GLP2R: variants seen among roughly 807,000 people sequenced by gnomAD.
GLP2R encodes the protein glucagon-like peptide 2 receptor.
A neutral mutation model predicts 68.2 loss-of-function variants in GLP2R; 59 were observed. The observed-to-expected ratio is 0.87, with a 90% confidence interval of 0.70 to 1.07. The LOEUF is 1.07. GLP2R is among the 50% of genes least tolerant of loss of function. The pLI, the probability that GLP2R is intolerant of heterozygous loss-of-function variation, is 0.00. For synonymous variants in GLP2R, 270 were observed against 265.4 expected (o/e 1.02, Z -0.17); for missense variants, 548 against 677.4 (o/e 0.81, Z 2.12).
intron 6 of GLP2R, among the ~76,000 whole-genome samples, chr17:9,859,515 G>A (rs1045194850): frequency 5.3e-5 from 8 of 151,842 alleles, no homozygotes; most frequent in East Asian, 3.9e-4. Flanking sequence ...GGAGGGGGCC[G>A]GGCACGGTGG....
chr17:9,836,282 A>G (rs1597377092), intron 2 of GLP2R, 89 bp from the exon 3 acceptor site: 2 of 837,472 alleles, frequency 2.4e-6, no homozygotes, highest in East Asian at 2.5e-5. Flanking sequence ...CAGTGCCAGG[A>G]AGGTGGGCTC....
chr17:9,870,303 C>G (rs915372312), intron 9 of GLP2R, among the ~76,000 whole-genome samples: 1 of 152,070 alleles, frequency 6.6e-6, no homozygotes, highest in African/African-American at 2.4e-5. Flanking sequence ...TACAAGAATG[C>G]CTGGACCATT....
chr17:9,840,589 A>G (rs2152033137), intron 3 of GLP2R, among the ~76,000 whole-genome samples: 1 of 152,362 alleles, frequency 6.6e-6, no homozygotes, highest in Non-Finnish European at 1.5e-5. Flanking sequence ...GAGACAGACA[A>G]TTATCAATAA....
chr17:9,837,487 C>T (rs970259584), intron 3 of GLP2R, among the ~76,000 whole-genome samples: 2 of 152,148 alleles, frequency 1.3e-5, no homozygotes, highest in Non-Finnish European at 2.9e-5. Flanking sequence ...TGCTAACCTC[C>T]ACACAATTTT....
chr17:9,828,252 A>G (rs1319282757), intron 1 of GLP2R, among the ~76,000 whole-genome samples: 3 of 152,206 alleles, frequency 2.0e-5, no homozygotes, highest in Non-Finnish European at 4.4e-5. Context: ...AATTCTTGCC[A>G]TCTTGGCAGC....
In GLP2R at chr17:9,889,648, G is replaced by T. The variant is rs1363363644; in HGVS notation, c.1605G>T (p.Glu535Asp). ...GCAGCAGCCTGTCCGAGTGCAGTGAGGGGGATGTCACCATGGCCAACACCA... is the reference window on the plus strand; with the variant it reads ...GCAGCAGCCTGTCCGAGTGCAGTGATGGGGATGTCACCATGGCCAACACCA... ...PRGSSLSECS[E>D]GDVTMANTME... The change falls in exon 13 of 13, where the codon GAG becomes GAT. Residue 535 changes from glutamate (E) to aspartate (D), a missense_variant. By Grantham distance (45) the Glu-to-Asp change is conservative. Transcript: ENST00000262441. The T allele has an allele frequency of 1.2e-6, 2 of 1,609,754 alleles. No individual in the cohort carries two copies. The highest frequency in any genetic ancestry group is 2.2e-5 in the East Asian group (1 of 44,764).
chr17:9,880,249 G>C (rs4791903), intron 10 of GLP2R, 129 bp from the exon 11 acceptor site: 284,465 of 648,650 alleles, frequency 0.44, 64,914 homozygotes, highest in African/African-American at 0.67. Context: ...ATGTTGTAGT[G>C]AAGGAGACCA....
intron 1 of GLP2R, among the ~76,000 whole-genome samples, chr17:9,826,912 C>T (rs993876284): frequency 6.6e-6 from 1 of 152,104 alleles, no homozygotes; most frequent in African/African-American, 2.4e-5. Flanking sequence ...CGCTCTGTCG[C>T]CCAGGCTGAA....
intron 11 of GLP2R, among the ~76,000 whole-genome samples, chr17:9,883,317 A>G (rs999516395): frequency 3.0e-4 from 46 of 152,218 alleles, no homozygotes; most frequent in African/African-American, 1.1e-3. Flanking sequence ...TGTGGAAAAG[A>G]AAGAAAAAAG....
At chr17:9,875,565 T>C (rs2067135688) in intron 10 of GLP2R, among the ~76,000 whole-genome samples, 1 of 152,240 alleles carries the variant, frequency 6.6e-6, no homozygotes, top group Non-Finnish European at 1.5e-5. Context: ...CTAGAGAACC[T>C]TCTGTAGTCT....
intron 4 of GLP2R, among the ~76,000 whole-genome samples, chr17:9,851,270 T>C (rs2066889323): frequency 6.6e-6 from 1 of 152,006 alleles, no homozygotes; most frequent in African/African-American, 2.4e-5. Flanking sequence ...AAATAGTCAA[T>C]TTAAAGAAAC....
chr17:9,877,511 A>G (rs188796429), intron 10 of GLP2R, among the ~76,000 whole-genome samples: 1 of 152,336 alleles, frequency 6.6e-6, no homozygotes, highest in Non-Finnish European at 1.5e-5. Flanking sequence ...AAATCCACAT[A>G]AACCCCGAAC....
At chr17:9,868,072 A>G (rs1366966280) in intron 9 of GLP2R, among the ~76,000 whole-genome samples, 2 of 152,166 alleles carry the variant, frequency 1.3e-5, no homozygotes, top group East Asian at 3.9e-4. Flanking sequence ...TTAAATGGTG[A>G]TAATAAGCCA....
chr17:9,885,562 C>T (rs923044357), intron 11 of GLP2R, among the ~76,000 whole-genome samples: 1 of 151,956 alleles, frequency 6.6e-6, no homozygotes, highest in African/African-American at 2.4e-5. Flanking sequence ...CTCAGGGGGC[C>T]TCAGTTCTCC....
intron 4 of GLP2R, among the ~76,000 whole-genome samples, chr17:9,847,896 T>G (rs1387538881): frequency 6.6e-6 from 1 of 152,122 alleles, no homozygotes; most frequent in Non-Finnish European, 1.5e-5. Flanking sequence ...ATAAGTATGA[T>G]CCCAGTGCTT....
rs1037794075 is a variant in GLP2R at position 9,887,966 on chromosome 17, A to G, written c.1319A>G (p.Asn440Ser). 19 of 1,609,718 alleles carry G rather than the reference A, an allele frequency of 1.2e-5. No homozygotes were observed. Among genetic ancestry groups the G allele is most frequent in the East Asian group, 4.5e-5 (2 of 44,868 alleles). ...FLVALQYGFANGEVKAELRKY... is the reference protein window; with the variant it reads ...FLVALQYGFASGEVKAELRKY... ...GTGGCCTTGCAGTATGGTTTTGCCA[A>G]TGGAGAGGTATGATTTCCACGTTGC... The change falls in exon 12 of 13, where the codon AAT (asparagine) becomes AGT (serine). Residue 440 changes from asparagine to serine, a missense_variant. Coordinates refer to ENST00000262441, the MANE Select transcript of GLP2R (RefSeq NM_004246.3).
At chr17:9,875,131 C>A (rs1000573594) in intron 10 of GLP2R, among the ~76,000 whole-genome samples, 7 of 152,206 alleles carry the variant, frequency 4.6e-5, no homozygotes, top group African/African-American at 1.7e-4. Flanking sequence ...TTATTTAACT[C>A]CCTGCGCTGG....
At position 9,860,031 on chromosome 17, in the gene GLP2R, C is replaced by A. The variant is rs747295129; in HGVS notation, c.855C>A (p.Leu285=). The A allele has an allele frequency of 1.9e-5, 30 of 1,613,764 alleles. No individual in the cohort carries two copies. The highest frequency in any genetic ancestry group is 2.3e-5 in the Non-Finnish European group (27 of 1,179,888). Reference sequence around the variant, plus strand: ...GGCTGCTGGTTGAAGGCCTCTACCTCCACACGCTGCTGGAGCCCACAGTGC... The same window carrying A: ...GGCTGCTGGTTGAAGGCCTCTACCTACACACGCTGCTGGAGCCCACAGTGC... ...YLWLLVEGLY[L]HTLLEPTVLP... Residue 285 remains leucine, a synonymous_variant, in exon 7 of 13, where the codon CTC becomes CTA. Transcript: ENST00000262441.
intron 3 of GLP2R, among the ~76,000 whole-genome samples, chr17:9,839,675 C>A (rs2066766711): frequency 6.6e-6 from 1 of 152,192 alleles, no homozygotes; most frequent in African/African-American, 2.4e-5. Flanking sequence ...CATCACGACT[C>A]CTACAAATGG....
Sources: gnomAD v4.1 joint callset for allele counts (sites outside exome capture counted in the v4.1 genomes callset) on GRCh38, gnomAD v4.1.1 for gene constraint, MANE v1.5 for transcripts, NCBI Gene and HGNC (gene_info 2026-07-23, HGNC 2026-07-21) for gene names.